Variants in ZFHX3 observed in about 807,000 individuals in gnomAD.
ZFHX3 encodes zinc finger homeobox protein 3.
Under a neutral mutation model 279.1 loss-of-function variants are expected in ZFHX3, and 42 were observed. The observed-to-expected ratio is 0.15, with a 90% CI of 0.12 to 0.19. ZFHX3 has a LOEUF of 0.19. Ranked by LOEUF, ZFHX3 falls within the 10% of genes least tolerant of loss-of-function variation. The pLI is 1.00. For synonymous variants in ZFHX3, 2,293 were observed against 1,957.8 expected, an observed-to-expected ratio of 1.17 and a Z score of -4.52; for missense variants, 4,981 against 4,754.0, an observed-to-expected ratio of 1.05 and a Z score of -1.40.
chr16:73,308,256 TATATATATATATATATATA>T (rs2015234588), intron 4 of ZFHX3, among the ~76,000 whole-genome samples: 75 of 34,584 alleles, frequency 2.2e-3, no homozygotes, highest in African/African-American at 3.9e-3. Flanking sequence ...TATATATATA[TATATATATATATATATATA>T]TATTTATTTA....
chr16:73,045,640 CATTATTATTATTATTATTATTATT>C (rs10602067), intron 1 of ZFHX3, among the ~76,000 whole-genome samples: 1 of 143,000 alleles, frequency 7.0e-6, no homozygotes, highest in African/African-American at 2.5e-5. Context: ...CATGGATTTA[CATTATTATTATTATTATTATTATT>C]ATTATTATTA....
intron 3 of ZFHX3, among the ~76,000 whole-genome samples, chr16:73,368,383 CT>C (rs905688939): frequency 6.6e-6 from 1 of 152,184 alleles, no homozygotes; most frequent in Non-Finnish European, 1.5e-5. Context: ...TACTTATGGT[CT>C]TTTCCTGTGC....
At chr16:73,793,699 T>C (rs1208244242) in intron 1 of ZFHX3, among the ~76,000 whole-genome samples, 2 of 152,208 alleles carry the variant, frequency 1.3e-5, no homozygotes, top group Admixed American at 6.5e-5. Flanking sequence ...TATTTTTTTT[T>C]CCAAAAGATC....
intron 5 of ZFHX3, among the ~76,000 whole-genome samples, chr16:73,212,818 C>T (rs1012698351): frequency 1.3e-5 from 2 of 152,108 alleles, no homozygotes; most frequent in African/African-American, 4.8e-5. Context: ...TCAGGGTCAC[C>T]CTCTATCAGC....
intron 2 of ZFHX3, chr16:73,558,124 G>A (rs2020314837): frequency 6.6e-6 from 1 of 152,274 alleles, no homozygotes; most frequent in Middle Eastern, 3.4e-3. Context: ...GCACCAGTAG[G>A]GAGAATGGCT....
At chr16:73,121,561 T>C (rs1597164289) in intron 7 of ZFHX3, among the ~76,000 whole-genome samples, 1 of 152,118 alleles carries the variant, frequency 6.6e-6, no homozygotes, top group African/African-American at 2.4e-5. Context: ...CTAACATCTT[T>C]CATGATATGT....
In ZFHX3 at chr16:73,794,589, A is replaced by AC. The variant is rs199652558; in HGVS notation, c.-1608+97061dup. 6.4e-3 allele frequency among the ~76,000 whole-genome samples: 964 copies of AC among 151,654 alleles called. 4 individuals carry two copies. The highest frequency in any genetic ancestry group is 0.011 in the Admixed American group (174 of 15,188). ...GGCGATCCTGAGAGGGGACATAGGGACCCCCCCTTTGCAAATGACGCAACT... is the reference window on the plus strand; with the variant it reads ...GGCGATCCTGAGAGGGGACATAGGGACCCCCCCCTTTGCAAATGACGCAACT... On this transcript the variant is annotated intron_variant, in intron 1 of 17. Transcript: ENST00000641206.
chr16:73,625,054 A>G (rs2052402550), intron 2 of ZFHX3, among the ~76,000 whole-genome samples: 1 of 152,220 alleles, frequency 6.6e-6, no homozygotes, highest in African/African-American at 2.4e-5. Flanking sequence ...TAGAGGAAAA[A>G]GAGTCATTTT....
chr16:73,739,694 G>A (rs543903080), intron 1 of ZFHX3, among the ~76,000 whole-genome samples: 6 of 152,276 alleles, frequency 3.9e-5, no homozygotes, highest in Non-Finnish European at 5.9e-5. Flanking sequence ...GAGAAAGGGT[G>A]ACACAGTTAC....
chr16:73,394,192 G>A (rs1362932008), intron 3 of ZFHX3, among the ~76,000 whole-genome samples: 1 of 149,430 alleles, frequency 6.7e-6, no homozygotes, highest in Admixed American at 6.7e-5. Context: ...ATAAAACGTC[G>A]AATAAGGCAG....
chr16:72,971,461 TA>T (rs1567612807), intron 1 of ZFHX3, among the ~76,000 whole-genome samples: 1 of 152,218 alleles, frequency 6.6e-6, no homozygotes, highest in Non-Finnish European at 1.5e-5. Flanking sequence ...AACTGAGGCT[TA>T]GAGAGTTAAG....
At chr16:73,417,252 C>T (rs2017607628) in intron 3 of ZFHX3, among the ~76,000 whole-genome samples, 1 of 152,024 alleles carries the variant, frequency 6.6e-6, no homozygotes, top group South Asian at 2.1e-4. Context: ...GAAGGAAACA[C>T]AGCTAAAAGC....
intron 5 of ZFHX3, among the ~76,000 whole-genome samples, chr16:73,216,113 A>G (rs1468057168): frequency 2.0e-5 from 3 of 152,216 alleles, no homozygotes; most frequent in African/African-American, 7.2e-5. Flanking sequence ...GCAGGCCTAT[A>G]GATACACAAG....
chr16:73,582,298 T>C (rs1567524860), intron 2 of ZFHX3, among the ~76,000 whole-genome samples: 1 of 151,834 alleles, frequency 6.6e-6, no homozygotes, highest in Non-Finnish European at 1.5e-5. Context: ...TCACACTAGC[T>C]TTCATTTGTC....
At chr16:73,011,591 A>G (rs1963920347) in intron 1 of ZFHX3, among the ~76,000 whole-genome samples, 1 of 152,060 alleles carries the variant, frequency 6.6e-6, no homozygotes, top group Admixed American at 6.5e-5. Context: ...AAATACAAAA[A>G]TTAGCTGGGC....
At chr16:73,653,376 T>G (rs2052690071) in intron 2 of ZFHX3, among the ~76,000 whole-genome samples, 1 of 152,170 alleles carries the variant, frequency 6.6e-6, no homozygotes, top group Admixed American at 6.5e-5. Flanking sequence ...AGAACTGAAA[T>G]TATACAGAGC....
At chr16:73,156,032 A>G (rs1371082568) in intron 5 of ZFHX3, among the ~76,000 whole-genome samples, 1 of 152,030 alleles carries the variant, frequency 6.6e-6, no homozygotes, top group Non-Finnish European at 1.5e-5. Context: ...GGAGATCGAG[A>G]TCATCCTGGC....
intron 3 of ZFHX3, among the ~76,000 whole-genome samples, chr16:73,422,715 C>G (rs996561152): frequency 1.3e-5 from 2 of 152,274 alleles, no homozygotes; most frequent in East Asian, 3.9e-4. Flanking sequence ...TTGCTCTATT[C>G]CTTCCTCTTA....
intron 4 of ZFHX3, among the ~76,000 whole-genome samples, chr16:72,867,182 T>A (rs1423567147): frequency 6.6e-6 from 1 of 152,196 alleles, no homozygotes; most frequent in East Asian, 1.9e-4. Context: ...GAGGAAGCTG[T>A]CATCTGTGAC....
Sources: gnomAD v4.1 joint callset for allele counts (sites outside exome capture counted in the v4.1 genomes callset) on GRCh38, gnomAD v4.1.1 for gene constraint, MANE v1.5 for transcripts, NCBI Gene and HGNC (gene_info 2026-07-23, HGNC 2026-07-21) for gene names.